The following DNAH17 variants were observed in gnomAD, a reference collection of about 807,000 sequenced individuals.
DNAH17 encodes the protein dynein axonemal heavy chain 17, also known as axonemal beta dynein heavy chain 17.
Under a neutral mutation model 485.6 loss-of-function variants are expected in DNAH17, and 376 were observed. That is an observed-to-expected ratio of 0.77 (90% CI 0.71 to 0.84). The LOEUF is 0.84. DNAH17 is among the 40% of genes least tolerant of loss of function. The probability of loss-of-function intolerance (pLI) is 0.00; values close to 1 mark genes in which losing one functional copy is unlikely to be tolerated. For synonymous variants in DNAH17, 3,031 were observed against 2,405.9 expected (o/e 1.26, Z -7.60); for missense variants, 6,370 against 5,839.3 (o/e 1.09, Z -2.96).
At chr17:78,491,602 C>G (rs756452545) in intron 42 of DNAH17, 32 bp from the exon 43 acceptor site, 1 of 1,607,104 alleles carries the variant, frequency 6.2e-7, no homozygotes, top group Middle Eastern at 1.8e-4. Flanking sequence ...ACCCCGGGCC[C>G]TTCACTCCGG....
At chr17:78,571,175 G>T (rs945743096) in intron 5 of DNAH17, 104 bp downstream of exon 5, 2 of 1,292,736 alleles carry the variant, frequency 1.5e-6, no homozygotes, top group Non-Finnish European at 2.2e-6. Context: ...AAAGCTGCTC[G>T]CAGAGGGAGG....
At position 78,495,097 on chromosome 17, in the gene DNAH17, C is replaced by T. The variant is rs1377090963; in HGVS notation, c.5904G>A (p.Arg1968=). The T allele has an allele frequency of 2.5e-6, 4 of 1,603,246 alleles. No individual in the cohort carries two copies. Among genetic ancestry groups the T allele is most frequent in the Non-Finnish European group, 3.4e-6 (4 of 1,174,568 alleles). ...ELPENLKALF[R]PCAMVVPDFE... ...AGTCGGGGACGACCATGGCACAGGG[C>T]CTGGGGAGGTCAGCGGTGCCTGTGG... The change falls in exon 39 of 81, where the codon AGG becomes AGA. Residue 1968 remains arginine (R), a splice_region_variant and synonymous_variant. Transcript: ENST00000389840.
intron 25 of DNAH17, among the ~76,000 whole-genome samples, chr17:78,516,477 A>G (rs902907034): frequency 4.6e-5 from 7 of 152,214 alleles, no homozygotes; most frequent in Non-Finnish European, 1.0e-4. Flanking sequence ...ACCTGAGGTC[A>G]GGAGTTCGAT....
rs1709752 is a variant in DNAH17 at position 78,429,409 on chromosome 17, T to C, written c.12226-109A>G. On this transcript the variant is annotated intron_variant, in intron 75 of 80. Coordinates refer to ENST00000389840, the MANE Select transcript of DNAH17 (RefSeq NM_173628.4). ...CGTGGGAACCCAGCCATTGGTGCTG[T>C]GTCCTTCTCGCCCTCCAGGTCAGCC... is the stretch of plus-strand genomic sequence containing the variant. 0.16 allele frequency: 194,975 copies of C among 1,232,714 alleles called. 16,556 individuals are homozygous for C. Among genetic ancestry groups the C allele is most frequent in the Middle Eastern group, 0.2 (949 of 4,780 alleles). The allele number at this position is 1,232,714 out of a possible 1,614,324, so 76.4% of individuals were successfully genotyped here.
intron 25 of DNAH17, 131 bp from the exon 26 acceptor site, chr17:78,515,153 G>T: frequency 3.8e-6 from 4 of 1,043,676 alleles, no homozygotes; most frequent in Non-Finnish European, 5.5e-6. Flanking sequence ...TAATACCCGA[G>T]ATCAGTAAAG....
rs770673140 is a variant in DNAH17, at chr17:78,496,005, C to A, written c.5773G>T (p.Ala1925Ser). Reference sequence around the variant, plus strand: ...AGGAAATTGAATGCTTTTTTCTTGGCCCGAATTGCATCCTGGACACATTTT... The same window carrying A: ...AGGAAATTGAATGCTTTTTTCTTGGACCGAATTGCATCCTGGACACATTTT... The part of the protein sequence containing the change: ...QVKCVQDAIR[A>S]KKKAFNFLGE... The change falls in exon 38 of 81, where the codon GCC (alanine) becomes TCC (serine). Residue 1925 changes from alanine to serine, a missense_variant. By Grantham distance (99) the Ala-to-Ser change is moderately conservative (BLOSUM62 1). Transcript: ENST00000389840. The A allele has an allele frequency of 6.2e-7, 1 of 1,613,754 alleles. No homozygotes were observed. The highest frequency in any genetic ancestry group is 1.7e-5 in the Admixed American group (1 of 60,000).
At chr17:78,433,453 G>A (rs116575010) in intron 75 of DNAH17, among the ~76,000 whole-genome samples, 331 of 152,362 alleles carry the variant, frequency 2.2e-3, no homozygotes, top group African/African-American at 6.5e-3. Flanking sequence ...GCTGCAGACC[G>A]TTTACGGAGG....
intron 14 of DNAH17, among the ~76,000 whole-genome samples, chr17:78,556,206 G>C (rs1471869913): frequency 6.6e-6 from 1 of 151,720 alleles, no homozygotes; most frequent in African/African-American, 2.4e-5. Context: ...TATCTCTCTA[G>C]CTACCGATCT....
At chr17:78,531,728 G>A (rs1255737701) in intron 20 of DNAH17, among the ~76,000 whole-genome samples, 1 of 152,140 alleles carries the variant, frequency 6.6e-6, no homozygotes, top group African/African-American at 2.4e-5. Context: ...CTATTCTTTT[G>A]CATTCAATCT....
In DNAH17 at chr17:78,505,227, C is replaced by T. The variant is rs116838908; in HGVS notation, c.4956+66G>A. The T allele has an allele frequency of 1.9e-3, 3,015 of 1,591,166 alleles. 42 individuals are homozygous for T. In the African/African-American group the frequency reaches 0.031, roughly 17 times the overall value. The stretch of plus-strand genomic sequence containing the variant: ...TTCTCCGGACATCGCCATCTGAGGG[C>T]GTGTGGCCCACACGCGTGCTGCACC... On this transcript the variant is annotated intron_variant, in intron 31 of 80. Coordinates refer to ENST00000389840, the MANE Select transcript of DNAH17 (RefSeq NM_173628.4).
intron 61 of DNAH17, 51 bp downstream of exon 61, chr17:78,458,950 C>A: frequency 6.3e-7 from 1 of 1,589,124 alleles, no homozygotes; most frequent in East Asian, 2.2e-5. Context: ...ACTGGCAGCG[C>A]GAGCAAGCGG....
At chr17:78,450,640 C>A in intron 67 of DNAH17, 42 bp downstream of exon 67, 1 of 1,592,304 alleles carries the variant, frequency 6.3e-7, no homozygotes, top group Non-Finnish European at 8.6e-7. Flanking sequence ...CCCAGCCTCC[C>A]AAGCCCTGGC....
In DNAH17 at chr17:78,461,666, G is replaced by A. The variant is rs778368163; in HGVS notation, c.9217C>T (p.Leu3073Phe). Residue 3073 changes from leucine to phenylalanine, a missense_variant, in exon 58 of 81, where the codon CTC (leucine) becomes TTC (phenylalanine). Coordinates refer to ENST00000389840, the MANE Select transcript of DNAH17 (RefSeq NM_173628.4). ...KAKLAIQEAE[L>F]KQKNESADQL... ...TCTGCGCTCTCATTCTTCTGCTTGA[G>A]CTCAGCCTCCTGAATCGCCAACTTG... The A allele has an allele frequency of 6.2e-6, 10 of 1,611,686 alleles. No homozygotes were observed. Among genetic ancestry groups the A allele is most frequent in the South Asian group, 2.2e-5 (2 of 90,698 alleles).
chr17:78,510,342 C>T lies in DNAH17; in HGVS notation c.4236+42G>A, dbSNP rs1239481080. ...AGTGGTTGGAGGGGGCAGTTTCAGG[C>T]TGATCCCACGTTGCACAGACAGCAC... is the stretch of plus-strand genomic sequence containing the variant. On this transcript the variant is annotated intron_variant, in intron 27 of 80. Transcript: ENST00000389840. The T allele has an allele frequency of 6.9e-6, 11 of 1,602,432 alleles. No individual in the cohort carries two copies. In the African/African-American group the frequency reaches 1.3e-4, roughly 20 times the overall value.
chr17:78,546,006 G>A (rs1431595871), intron 16 of DNAH17, among the ~76,000 whole-genome samples: 2 of 151,504 alleles, frequency 1.3e-5, no homozygotes, highest in African/African-American at 4.9e-5. Context: ...ACAGGGTCGT[G>A]CTTTGTCACT....
rs753236330 is a variant in DNAH17, at chr17:78,479,549, C to G, written c.7836G>C (p.Leu2612=). The G allele has an allele frequency of 6.2e-7, 1 of 1,613,692 alleles. No individual in the cohort carries two copies. The highest frequency in any genetic ancestry group is 8.5e-7 in the Non-Finnish European group (1 of 1,179,884). Residue 2612 remains leucine (L), a synonymous_variant, in exon 50 of 81, where the codon CTG becomes CTC. Transcript: ENST00000389840. ...TAGCCATGGAGACCGAGCGGAAGGC[C>G]AGGTGCTGCGTCAGGATTGTGTTGT... ...TIYNTILTQH[L]AFRSVSMAIQ...
In DNAH17 at chr17:78,544,437, C is replaced by A. The variant is rs189466381; in HGVS notation, c.2392-440G>T. Among the ~76,000 whole-genome samples the A allele has an allele frequency of 3.3e-5, 5 of 152,248 alleles. No homozygotes were observed. In the South Asian group the frequency reaches 6.2e-4, roughly 19 times the overall value. ...TTTGTGGGGGCCACTGATCTGCCGA[C>A]AAGGGTGGGAAAGGGTAGAGAGTAG... On this transcript the variant is annotated intron_variant, in intron 16 of 80. Transcript: ENST00000389840.
chr17:78,558,625 G>A (rs1019623785), intron 13 of DNAH17, among the ~76,000 whole-genome samples: 1 of 152,322 alleles, frequency 6.6e-6, no homozygotes, highest in South Asian at 2.1e-4. Context: ...ATCATTGTAG[G>A]TGGATGATAT....
Position 78,450,681 on chromosome 17 carries a change from CCTT to C in DNAH17, c.10897_10899del (p.Lys3633del), listed in dbSNP as rs2087509704. On this transcript the variant is annotated inframe_deletion and splice_region_variant, in exon 67 of 81. Transcript: ENST00000389840. Reference sequence around the variant, plus strand: ...GGGCACGTCACCGAGGCAGCTCTGACCTTCTCCTCGATCTCGCTGGCTGTGTGC... The same window carrying C: ...GGGCACGTCACCGAGGCAGCTCTGACCTCCTCGATCTCGCTGGCTGTGTGC... 1 of 1,611,792 alleles carries C rather than the reference CCTT, an allele frequency of 6.2e-7. No individual in the cohort carries two copies. The highest frequency in any genetic ancestry group is 8.5e-7 in the Non-Finnish European group (1 of 1,179,074).
Sources: allele counts gnomAD v4.1 joint callset (sites outside exome capture counted in the v4.1 genomes callset), GRCh38; gene constraint gnomAD v4.1.1; transcripts MANE v1.5; gene names NCBI Gene and HGNC (gene_info 2026-07-23, HGNC 2026-07-21).